Variants in DCC observed in about 807,000 individuals in gnomAD.
DCC encodes the protein netrin receptor DCC.
A neutral mutation model predicts 172.5 loss-of-function variants in DCC; 58 were observed. The observed-to-expected ratio is 0.34, with a 90% CI of 0.27 to 0.42. The LOEUF (loss-of-function observed/expected upper bound fraction) is 0.42, where lower values mean the gene tolerates loss of function less well. Ranked by LOEUF, DCC falls within the 10% of genes least tolerant of loss-of-function variation. DCC has a pLI of 1.00. For missense variants in DCC, 1,740 were observed against 1,791.0 expected (o/e 0.97, Z 0.51); for synonymous variants, 709 against 644.5 (o/e 1.10, Z -1.52).
intron 1 of DCC, among the ~76,000 whole-genome samples, chr18:52,467,370 A>G (rs1423526154): frequency 6.9e-6 from 1 of 145,294 alleles, no homozygotes. Context: ...TGCAAAGGAC[A>G]CGAACTCATC....
intron 2 of DCC, among the ~76,000 whole-genome samples, chr18:52,817,803 A>ATATG (rs375371359): frequency 9.2e-5 from 14 of 151,538 alleles, no homozygotes; most frequent in South Asian, 2.1e-4. Context: ...ATATATATAT[A>ATATG]TGTGTGTGTG....
rs139959763 is a variant in DCC, at chr18:53,231,919, G to A, written c.1911+16322G>A. 1.1e-4 allele frequency among the ~76,000 whole-genome samples: 16 copies of A among 152,178 alleles called. No homozygotes were observed. In the East Asian group the frequency reaches 2.7e-3, roughly 26 times the overall value. On this transcript the variant is annotated intron_variant, in intron 12 of 28. Coordinates refer to ENST00000442544, the MANE Select transcript of DCC (RefSeq NM_005215.4). ...CTGATAAAAGTCTGATTTTCCAATA[G>A]TTCATTTGACGTTTGAGTCCTTTTA...
intron 5 of DCC, among the ~76,000 whole-genome samples, chr18:52,995,801 CAGTT>C (rs1302524442): frequency 6.6e-6 from 1 of 151,948 alleles, no homozygotes; most frequent in Non-Finnish European, 1.5e-5. Flanking sequence ...CAGTAAGTAT[CAGTT>C]AGCAAACCCA....
At chr18:53,194,799 C>G (rs2055419691) in intron 9 of DCC, among the ~76,000 whole-genome samples, 1 of 152,156 alleles carries the variant, frequency 6.6e-6, no homozygotes, top group African/African-American at 2.4e-5. Flanking sequence ...TAATCTTGGT[C>G]AGAACTTGGG....
chr18:52,356,780 C>T (rs12606382), intron 1 of DCC, among the ~76,000 whole-genome samples: 27,230 of 128,274 alleles, frequency 0.21, 2,520 homozygotes, highest in South Asian at 0.28. Flanking sequence ...GGCTGGAAAA[C>T]CTAAATCATT....
intron 1 of DCC, among the ~76,000 whole-genome samples, chr18:52,368,886 T>A (rs1208556891): frequency 6.6e-6 from 1 of 152,184 alleles, no homozygotes; most frequent in Non-Finnish European, 1.5e-5. Flanking sequence ...CATCAAGTGA[T>A]ATAATGTATG....
intron 5 of DCC, among the ~76,000 whole-genome samples, chr18:53,028,233 C>A (rs957382832): frequency 6.6e-6 from 1 of 152,078 alleles, no homozygotes; most frequent in Non-Finnish European, 1.5e-5. Context: ...CCTCAGGTAC[C>A]ATTAGCAGCA....
chr18:52,726,007 T>C (rs1191820712), intron 1 of DCC, among the ~76,000 whole-genome samples: 1 of 152,172 alleles, frequency 6.6e-6, no homozygotes, highest in East Asian at 1.9e-4. Context: ...ACTTTAAAGA[T>C]AAATAAATGG....
chr18:52,515,449 T>C (rs1399027404), intron 1 of DCC, among the ~76,000 whole-genome samples: 1 of 149,744 alleles, frequency 6.7e-6, no homozygotes, highest in Non-Finnish European at 1.5e-5. Context: ...CTACTAAAAA[T>C]ACAAAAAATT....
At chr18:52,826,592 G>A (rs7238109) in intron 2 of DCC, among the ~76,000 whole-genome samples, 8 of 151,930 alleles carry the variant, frequency 5.3e-5, no homozygotes, top group South Asian at 2.1e-4. Flanking sequence ...GCAACTCTCC[G>A]GCCTCAGCTT....
intron 12 of DCC, among the ~76,000 whole-genome samples, chr18:53,269,452 T>C (rs2056722188): frequency 6.6e-6 from 1 of 152,062 alleles, no homozygotes; most frequent in Non-Finnish European, 1.5e-5. Flanking sequence ...ACACCCCCTC[T>C]CCACCATATC....
intron 28 of DCC, 22 bp from the exon 29 acceptor site, chr18:53,530,542 T>A (rs1161831600): frequency 7.8e-7 from 1 of 1,281,608 alleles, no homozygotes; most frequent in Admixed American, 1.7e-5. Context: ...TTACTAACTC[T>A]TGGCTCTCAT....
At chr18:52,636,875 A>G (rs1397689976) in intron 1 of DCC, among the ~76,000 whole-genome samples, 1 of 152,132 alleles carries the variant, frequency 6.6e-6, no homozygotes, top group Non-Finnish European at 1.5e-5. Context: ...CAACACAAAA[A>G]TAGAGCATTA....
chr18:53,450,868 T>G (rs1022252451), intron 23 of DCC, among the ~76,000 whole-genome samples: 1 of 152,202 alleles, frequency 6.6e-6, no homozygotes, highest in South Asian at 2.1e-4. Context: ...AAAATCCATC[T>G]GGGACCCACT....
intron 1 of DCC, among the ~76,000 whole-genome samples, chr18:52,700,854 TTAAAG>T (rs2036112661): frequency 6.6e-6 from 1 of 152,230 alleles, no homozygotes; most frequent in Non-Finnish European, 1.5e-5. Flanking sequence ...GCTGTGTACC[TTAAAG>T]TAAAGGTATT....
intron 12 of DCC, among the ~76,000 whole-genome samples, chr18:53,232,939 T>A (rs1185365990): frequency 7.6e-6 from 1 of 132,018 alleles, no homozygotes; most frequent in Non-Finnish European, 1.7e-5. Context: ...CCTTTCTTTT[T>A]TTTTTTTCCC....
chr18:53,023,328 G>GTATAATAAAAAATAT (rs1372156604), intron 5 of DCC, among the ~76,000 whole-genome samples: 19 of 121,650 alleles, frequency 1.6e-4, no homozygotes, highest in Non-Finnish European at 3.0e-4. Flanking sequence ...CTAAAACTTA[G>GTATAATAAAAAATAT]AGTATAATAA....
intron 2 of DCC, among the ~76,000 whole-genome samples, chr18:52,794,887 A>G (rs2037843465): frequency 6.6e-6 from 1 of 152,016 alleles, no homozygotes; most frequent in Admixed American, 6.6e-5. Context: ...TGAGAAGATC[A>G]TATGATTTTT....
intron 13 of DCC, among the ~76,000 whole-genome samples, chr18:53,309,120 C>A (rs1043414999): frequency 6.6e-6 from 1 of 152,144 alleles, no homozygotes; most frequent in Non-Finnish European, 1.5e-5. Flanking sequence ...TTACTGCAGA[C>A]TTGACCTTCG....
Sources: gnomAD v4.1 joint callset for allele counts (sites outside exome capture counted in the v4.1 genomes callset) on GRCh38, gnomAD v4.1.1 for gene constraint, MANE v1.5 for transcripts, NCBI Gene and HGNC (gene_info 2026-07-23, HGNC 2026-07-21) for gene names.